The following ANKRD44 variants were observed in gnomAD, a reference collection of about 807,000 sequenced individuals.
ANKRD44 encodes ankyrin repeat domain 44, also known as serine/threonine-protein phosphatase 6 regulatory ankyrin repeat subunit B.
A neutral mutation model predicts 116.0 loss-of-function variants in ANKRD44; 35 were observed. The observed-to-expected ratio is 0.30, with a 90% CI of 0.23 to 0.40. The LOEUF is 0.40. ANKRD44 is among the 10% of genes least tolerant of loss of function. The probability of loss-of-function intolerance (pLI) is 1.00; values close to 1 mark genes in which losing one functional copy is unlikely to be tolerated. For missense variants in ANKRD44, 1,014 were observed against 1,242.6 expected, an observed-to-expected ratio of 0.82 and a Z score of 2.77; for synonymous variants, 435 against 461.8, an observed-to-expected ratio of 0.94 and a Z score of 0.74.
At chr2:197,273,974 AAAAAAAATAT>A (rs2082979456) in intron 1 of ANKRD44, among the ~76,000 whole-genome samples, 2 of 33,640 alleles carry the variant, frequency 5.9e-5, no homozygotes, top group African/African-American at 8.7e-5. Context: ...AAAAAAAAAA[AAAAAAAATAT>A]ATATATATAT....
intron 1 of ANKRD44, among the ~76,000 whole-genome samples, chr2:197,243,980 T>C (rs1024436285): frequency 3.9e-5 from 6 of 152,230 alleles, no homozygotes; most frequent in Non-Finnish European, 8.8e-5. Flanking sequence ...GTATTATGAA[T>C]AGACATTGAA....
chr2:197,310,448 G>T, intron 1 of ANKRD44, 130 bp downstream of exon 1: 1 of 578,070 alleles, frequency 1.7e-6, no homozygotes, highest in Non-Finnish European at 2.2e-6. Context: ...ACCGGCGGCC[G>T]CACACAGTCC....
At position 197,008,947 on chromosome 2, in the gene ANKRD44, C is replaced by A. The variant is rs2076247448; in HGVS notation, c.2009G>T (p.Gly670Val). Residue 670 changes from glycine (G) to valine (V), a missense_variant, in exon 19 of 28, where the codon GGA becomes GTA. Coordinates refer to ENST00000282272, the MANE Select transcript of ANKRD44 (RefSeq NM_001195144.2). Reference sequence around the variant, plus strand: ...GGCCACGTGTGAGCGCACTTACTGTCCTTTGGCATCTTTCACATCGACCGC... The same window carrying A: ...GGCCACGTGTGAGCGCACTTACTGTACTTTGGCATCTTTCACATCGACCGC... ...PEAVDVKDAK[G>V]QTPLMLAVAY... 1.2e-6 allele frequency: 2 copies of A among 1,613,952 alleles called. No individual in the cohort carries two copies. The highest frequency in any genetic ancestry group is 1.1e-5 in the South Asian group (1 of 91,084).
downstream of ANKRD44, among the ~76,000 whole-genome samples, chr2:196,985,830 A>T (rs963441415): frequency 2.0e-5 from 3 of 152,222 alleles, no homozygotes; most frequent in Non-Finnish European, 4.4e-5. Flanking sequence ...CCCTGAAGTT[A>T]CTACTCAAGA....
At chr2:197,044,519 T>A (rs2076966889) in intron 16 of ANKRD44, among the ~76,000 whole-genome samples, 1 of 152,042 alleles carries the variant, frequency 6.6e-6, no homozygotes, top group African/African-American at 2.4e-5. Flanking sequence ...CTACCACACA[T>A]ACAGCTAATT....
At chr2:197,033,162 G>A (rs1236434715) in intron 16 of ANKRD44, among the ~76,000 whole-genome samples, 2 of 152,094 alleles carry the variant, frequency 1.3e-5, no homozygotes, top group Non-Finnish European at 2.9e-5. Context: ...AATGGGAGAT[G>A]GGAAAAGGCC....
In ANKRD44 at chr2:197,081,715, A is replaced by T. The variant is rs1353919048; in HGVS notation, c.1468T>A (p.Leu490Ile). Residue 490 changes from leucine to isoleucine, a missense_variant, in exon 15 of 28, where the codon TTA becomes ATA. Leu to Ile is a conservative substitution (Grantham distance 5). Transcript: ENST00000282272. ...ASDMDRNKTI[L>I]GNAHDNSEEL... ...TCTGAATTATCATGGGCATTTCCTA[A>T]GATAGTCTTACTTCTCAGCATAAAG... 1.9e-6 allele frequency: 3 copies of T among 1,613,590 alleles called. No homozygotes were observed. In the South Asian group the frequency reaches 3.3e-5, roughly 18 times the overall value.
chr2:197,200,493 G>T (rs6742768), intron 1 of ANKRD44, among the ~76,000 whole-genome samples: 1 of 151,936 alleles, frequency 6.6e-6, no homozygotes, highest in African/African-American at 2.4e-5. Flanking sequence ...ACCACCACTC[G>T]CCAGACTCTG....
intron 1 of ANKRD44, among the ~76,000 whole-genome samples, chr2:197,308,933 C>A (rs2084157364): frequency 6.6e-6 from 1 of 152,166 alleles, no homozygotes; most frequent in Middle Eastern, 3.2e-3. Flanking sequence ...TCCTGCAGGC[C>A]TATAGCTGGC....
intron 16 of ANKRD44, among the ~76,000 whole-genome samples, chr2:197,046,129 T>G (rs187099019): frequency 6.6e-6 from 1 of 152,342 alleles, no homozygotes; most frequent in East Asian, 1.9e-4. Flanking sequence ...AGCATTCCAA[T>G]AAATCAGTGC....
intron 17 of ANKRD44, among the ~76,000 whole-genome samples, chr2:197,021,712 T>C (rs1313323148): frequency 6.6e-6 from 1 of 152,226 alleles, no homozygotes; most frequent in Non-Finnish European, 1.5e-5. Flanking sequence ...TTAAGTAAGT[T>C]TACAGAATAT....
chr2:197,216,605 G>A (rs115844264), intron 1 of ANKRD44, among the ~76,000 whole-genome samples: 2,271 of 152,238 alleles, frequency 0.015, 69 homozygotes, highest in African/African-American at 0.052. Flanking sequence ...ATTGTGGGAG[G>A]AGAGCAAGGG....
intron 21 of ANKRD44, among the ~76,000 whole-genome samples, chr2:196,973,587 C>G (rs763244795): frequency 2.0e-4 from 30 of 152,156 alleles, no homozygotes; most frequent in Non-Finnish European, 4.1e-4. Context: ...TCATCCCTAA[C>G]CCTGGTTTTC....
intron 16 of ANKRD44, among the ~76,000 whole-genome samples, chr2:197,069,111 T>G (rs1030653447): frequency 6.6e-6 from 1 of 152,152 alleles, no homozygotes; most frequent in Non-Finnish European, 1.5e-5. Context: ...TGGAATACTA[T>G]GCAGCCATAA....
intron 1 of ANKRD44, among the ~76,000 whole-genome samples, chr2:197,226,284 A>G (rs1019735951): frequency 1.3e-5 from 2 of 152,262 alleles, no homozygotes; most frequent in Admixed American, 1.3e-4. Flanking sequence ...TACTGATGCC[A>G]GGGTGTATCC....
At chr2:197,096,173 G>T (rs1175698128) in intron 10 of ANKRD44, among the ~76,000 whole-genome samples, 1 of 152,118 alleles carries the variant, frequency 6.6e-6, no homozygotes, top group Non-Finnish European at 1.5e-5. Flanking sequence ...ATCACACTTA[G>T]CATGCATGAT....
At chr2:197,049,931 G>A (rs944082758) in intron 16 of ANKRD44, among the ~76,000 whole-genome samples, 1 of 152,002 alleles carries the variant, frequency 6.6e-6, no homozygotes, top group Non-Finnish European at 1.5e-5. Flanking sequence ...ACACCCCTTG[G>A]CCACTGTATT....
intron 2 of ANKRD44, among the ~76,000 whole-genome samples, chr2:197,168,494 T>C (rs1559120154): frequency 6.6e-6 from 1 of 152,156 alleles, no homozygotes; most frequent in African/African-American, 2.4e-5. Context: ...CCATCATCAT[T>C]TCCTTTGTGT....
At chr2:197,148,452 G>T (rs908180679) in intron 2 of ANKRD44, among the ~76,000 whole-genome samples, 1 of 152,178 alleles carries the variant, frequency 6.6e-6, no homozygotes, top group Non-Finnish European at 1.5e-5. Flanking sequence ...ATGTATGTTA[G>T]TTTCAAGTTT....
Sources: allele counts gnomAD v4.1 joint callset (sites outside exome capture counted in the v4.1 genomes callset), GRCh38; gene constraint gnomAD v4.1.1; transcripts MANE v1.5; gene names NCBI Gene and HGNC (gene_info 2026-07-23, HGNC 2026-07-21).